Variants in N4BP2L2 observed in about 807,000 individuals in gnomAD.
N4BP2L2 encodes the protein NEDD4-binding protein 2-like 2.
N4BP2L2 carries 50 observed loss-of-function variants against 56.2 expected under a neutral mutation model. That is an observed-to-expected ratio of 0.89 (90% confidence interval 0.71 to 1.13). The LOEUF is 1.13. Among genes scored for constraint, N4BP2L2 ranks in the 50% most tolerant of loss-of-function variants. N4BP2L2 has a pLI of 0.00. For synonymous variants in N4BP2L2, 203 were observed against 223.6 expected, an observed-to-expected ratio of 0.91 and a Z score of 0.82; for missense variants, 689 against 693.8, an observed-to-expected ratio of 0.99 and a Z score of 0.08.
chr13:32,521,927 G>A (rs1374667616), intron 4 of N4BP2L2: 1 of 388,868 alleles, frequency 2.6e-6, no homozygotes, highest in Non-Finnish European at 4.5e-6. Flanking sequence ...AGTGAGCCAA[G>A]ATGGTGCCAC....
chr13:32,444,176 CAT>C (rs757987926), intron 6 of N4BP2L2: 4 of 1,341,182 alleles, frequency 3.0e-6, no homozygotes, highest in Non-Finnish European at 3.9e-6. Context: ...ACATGTATAA[CAT>C]AAGCAAACTA....
At chr13:32,504,065 T>G (rs936786975) in intron 6 of N4BP2L2, among the ~76,000 whole-genome samples, 1 of 152,196 alleles carries the variant, frequency 6.6e-6, no homozygotes, top group African/African-American at 2.4e-5. Context: ...CCCTGATGTA[T>G]GTAAAACTCC....
chr13:32,459,542 T>C (rs2079620456), intron 6 of N4BP2L2, among the ~76,000 whole-genome samples: 1 of 152,066 alleles, frequency 6.6e-6, no homozygotes, highest in South Asian at 2.1e-4. Flanking sequence ...ATGGATAAAT[T>C]CTGGGACATA....
At chr13:32,468,268 C>CAAAAAAAAAAAAAA (rs59875338) in intron 6 of N4BP2L2, among the ~76,000 whole-genome samples, 1 of 103,990 alleles carries the variant, frequency 9.6e-6, no homozygotes. Flanking sequence ...CAAAAAGAGA[C>CAAAAAAAAAAAAAA]AAAAAAAAAA....
At chr13:32,537,567 T>C (rs1285422879) in intron 1 of N4BP2L2, among the ~76,000 whole-genome samples, 3 of 152,180 alleles carry the variant, frequency 2.0e-5, no homozygotes, top group Non-Finnish European at 1.5e-5. Context: ...AATGTTAGAT[T>C]AACTGAAGTG....
chr13:32,521,701 C>T (rs950363698), intron 4 of N4BP2L2: 9 of 357,044 alleles, frequency 2.5e-5, no homozygotes, highest in Admixed American at 1.4e-4. Flanking sequence ...TGAGGCTGGG[C>T]GTGGTGGCTC....
At position 32,443,786 on chromosome 13, in the gene N4BP2L2, TC is replaced by T; in HGVS notation, c.705del (p.Asn236IlefsTer12). 1 of 1,580,436 alleles carries T rather than the reference TC, an allele frequency of 6.3e-7. No homozygotes were observed. Among genetic ancestry groups the T allele is most frequent in the African/African-American group, 1.4e-5 (1 of 73,280 alleles). On this transcript the variant is annotated frameshift_variant, in exon 7 of 10. Coordinates refer to the N4BP2L2 transcript ENST00000357505. LOFTEE classifies it high-confidence loss of function. ...TTATCACCTTCCTTAGAGAGGTAAT[TC>T]TTTGGTGTGTTGTCTAATTCAACTA...
chr13:32,530,588 G>C (rs555835336), intron 2 of N4BP2L2, among the ~76,000 whole-genome samples: 4 of 152,006 alleles, frequency 2.6e-5, no homozygotes, highest in Admixed American at 2.0e-4. Flanking sequence ...CTATCTTTTT[G>C]AGAGCCTATT....
At chr13:32,529,928 G>A (rs2054212125) in intron 2 of N4BP2L2, among the ~76,000 whole-genome samples, 1 of 152,016 alleles carries the variant, frequency 6.6e-6, no homozygotes, top group South Asian at 2.1e-4. Flanking sequence ...GTTTCACCAT[G>A]TTGGCCAGGC....
intron 6 of N4BP2L2, among the ~76,000 whole-genome samples, chr13:32,447,208 C>T (rs2077175050): frequency 6.6e-6 from 1 of 152,156 alleles, no homozygotes; most frequent in Admixed American, 6.6e-5. Flanking sequence ...TGACACTTTT[C>T]TTCTGTTGCC....
chr13:32,529,664 T>G (rs1030033136), intron 2 of N4BP2L2, among the ~76,000 whole-genome samples: 1 of 152,012 alleles, frequency 6.6e-6, no homozygotes, highest in Non-Finnish European at 1.5e-5. Flanking sequence ...TTTGTTTTTT[T>G]TTTTGTTTCG....
intron 6 of N4BP2L2, among the ~76,000 whole-genome samples, chr13:32,459,206 A>T (rs567159946): frequency 6.6e-6 from 1 of 152,276 alleles, no homozygotes; most frequent in Admixed American, 6.5e-5. Flanking sequence ...TCAAATAACC[A>T]ATCTAATGAT....
intron 6 of N4BP2L2, among the ~76,000 whole-genome samples, chr13:32,457,619 A>G (rs2079186943): frequency 6.6e-6 from 1 of 152,242 alleles, no homozygotes; most frequent in Non-Finnish European, 1.5e-5. Flanking sequence ...CAAGAATACT[A>G]TACCCAGGAA....
At chr13:32,437,895 T>A (rs1055654019) in intron 8 of N4BP2L2, among the ~76,000 whole-genome samples, 2 of 152,204 alleles carry the variant, frequency 1.3e-5, no homozygotes, top group Non-Finnish European at 2.9e-5. Flanking sequence ...GCCTATATTA[T>A]CCACTCATCC....
At chr13:32,530,691 A>G (rs1263181831) in intron 2 of N4BP2L2, among the ~76,000 whole-genome samples, 1 of 152,112 alleles carries the variant, frequency 6.6e-6, no homozygotes, top group Non-Finnish European at 1.5e-5. Context: ...AGAAGAAATA[A>G]TTTTGGCAAG....
intron 6 of N4BP2L2, among the ~76,000 whole-genome samples, chr13:32,474,368 G>A (rs1450434961): frequency 2.0e-5 from 3 of 151,740 alleles, no homozygotes; most frequent in Admixed American, 6.6e-5. Context: ...AAAATGTCAC[G>A]GTCAATTATA....
At chr13:32,510,173 T>C (rs895376309), downstream of N4BP2L2, 1 of 152,064 alleles carries the variant, frequency 6.6e-6, no homozygotes, top group Non-Finnish European at 1.5e-5. Context: ...ACTACTAACA[T>C]ACTTACGTAA....
intron 6 of N4BP2L2, among the ~76,000 whole-genome samples, chr13:32,456,181 AC>A (rs1207463652): frequency 2.0e-5 from 3 of 152,210 alleles, no homozygotes; most frequent in African/African-American, 7.2e-5. Flanking sequence ...AGGACTGAGG[AC>A]TTGCATCCCC....
chr13:32,520,011 CA>C (rs1198264386), intron 5 of N4BP2L2, among the ~76,000 whole-genome samples: 1 of 152,060 alleles, frequency 6.6e-6, no homozygotes, highest in Non-Finnish European at 1.5e-5. Flanking sequence ...CACAGCTAGG[CA>C]GGCAAAAAAT....
Sources: gnomAD v4.1 joint callset for allele counts (sites outside exome capture counted in the v4.1 genomes callset) on GRCh38, gnomAD v4.1.1 for gene constraint, MANE v1.5 for transcripts, NCBI Gene and HGNC (gene_info 2026-07-23, HGNC 2026-07-21) for gene names.